ZZEF1: variants seen among roughly 807,000 people sequenced by gnomAD.
The protein encoded by ZZEF1 is zinc finger ZZ-type and EF-hand domain containing 1.
Under a neutral mutation model 342.8 loss-of-function variants are expected in ZZEF1, and 157 were observed. That is an observed-to-expected ratio of 0.46 (90% CI 0.40 to 0.52). The LOEUF is 0.52. Ranked by LOEUF, ZZEF1 falls within the 20% of genes least tolerant of loss-of-function variation. The pLI, the probability that ZZEF1 is intolerant of heterozygous loss-of-function variation, is 0.00. For synonymous variants in ZZEF1, 1,505 were observed against 1,429.1 expected, an observed-to-expected ratio of 1.05 and a Z score of -1.20; for missense variants, 3,480 against 3,725.6, an observed-to-expected ratio of 0.93 and a Z score of 1.72.
At chr17:4,032,482 A>C (rs2056570686) in intron 41 of ZZEF1, among the ~76,000 whole-genome samples, 1 of 152,226 alleles carries the variant, frequency 6.6e-6, no homozygotes, top group African/African-American at 2.4e-5. Flanking sequence ...CCTTTGTCCT[A>C]ATCAGTTGAG....
At position 4,104,880 on chromosome 17, in the gene ZZEF1, T is replaced by C. The variant is rs1396262660; in HGVS notation, c.1395-69A>G. On this transcript the variant is annotated intron_variant, in intron 7 of 54. Transcript: ENST00000381638. ...AAAAATCCAGGTAGCTCAAACCCCA[T>C]GTAAGTGATCAACACAAGTAACATT... The C allele has an allele frequency of 1.2e-5, 16 of 1,374,162 alleles. No individual in the cohort carries two copies. In the Admixed American group the frequency reaches 1.3e-4, roughly 11 times the overall value. 85.1% of individuals were successfully genotyped at this position (1,374,162 alleles called of 1,614,324 possible).
chr17:4,126,117 T>C (rs532224179), intron 1 of ZZEF1, among the ~76,000 whole-genome samples: 28 of 151,324 alleles, frequency 1.9e-4, no homozygotes, highest in Admixed American at 1.1e-3. Flanking sequence ...TCCCAGCTAC[T>C]TGGGAGGCTG....
intron 1 of ZZEF1, among the ~76,000 whole-genome samples, chr17:4,124,265 C>G (rs943587452): frequency 6.6e-6 from 1 of 152,130 alleles, no homozygotes; most frequent in Non-Finnish European, 1.5e-5. Flanking sequence ...TATTTGTATT[C>G]CAATCTATAT....
intron 18 of ZZEF1, among the ~76,000 whole-genome samples, chr17:4,080,594 T>C (rs933410871): frequency 6.6e-6 from 1 of 152,186 alleles, no homozygotes; most frequent in African/African-American, 2.4e-5. Context: ...TTCTCCATGT[T>C]AGTCAGGCTG....
intron 2 of ZZEF1, among the ~76,000 whole-genome samples, chr17:4,119,283 A>G (rs1271035378): frequency 2.0e-5 from 3 of 152,214 alleles, no homozygotes; most frequent in Non-Finnish European, 4.4e-5. Context: ...CCGGCCAAAT[A>G]TGAGAGTTGA....
At chr17:4,139,572 A>G (rs1364845901) in intron 1 of ZZEF1, among the ~76,000 whole-genome samples, 1 of 152,232 alleles carries the variant, frequency 6.6e-6, no homozygotes, top group African/African-American at 2.4e-5. Flanking sequence ...AAAAGTATAT[A>G]CTTATTCAAG....
rs1183677963 is a variant in ZZEF1, at chr17:4,025,114, C to A, written c.6897G>T (p.Lys2299Asn). Residue 2299 changes from lysine to asparagine, a missense_variant, in exon 43 of 55, where the codon AAG (lysine) becomes AAT (asparagine). Transcript: ENST00000381638. ...CTCCCTTCTGGACCAGCTGGTAGTC[C>A]TTCACTGAAGGGTGACATCAGGCAG... ...DVKTRKRKTV[K>N]DYQLVQKGGG... The A allele has an allele frequency of 6.2e-7, 1 of 1,614,018 alleles. No individual in the cohort carries two copies. The highest frequency in any genetic ancestry group is 1.7e-5 in the Admixed American group (1 of 60,020).
intron 11 of ZZEF1, among the ~76,000 whole-genome samples, chr17:4,093,549 C>T (rs747638617): frequency 1.1e-4 from 16 of 152,196 alleles, no homozygotes; most frequent in Non-Finnish European, 1.9e-4. Flanking sequence ...TAGATCCTTA[C>T]GATTTCAAGT....
At chr17:4,068,700 C>T (rs2057451353) in intron 26 of ZZEF1, among the ~76,000 whole-genome samples, 1 of 152,024 alleles carries the variant, frequency 6.6e-6, no homozygotes, top group South Asian at 2.1e-4. Context: ...ATCTATGTTA[C>T]AATGCAGTAA....
intron 42 of ZZEF1, among the ~76,000 whole-genome samples, chr17:4,028,638 T>A (rs2056470319): frequency 6.6e-6 from 1 of 151,510 alleles, no homozygotes; most frequent in Non-Finnish European, 1.5e-5. Context: ...AAGACAGGGA[T>A]TATCAGATTG....
At chr17:4,135,331 C>T (rs1313368660) in intron 1 of ZZEF1, among the ~76,000 whole-genome samples, 1 of 152,128 alleles carries the variant, frequency 6.6e-6, no homozygotes, top group Non-Finnish European at 1.5e-5. Flanking sequence ...AAAAAATTAG[C>T]CTGGCGTAGT....
chr17:4,048,587 GT>G lies in ZZEF1; in HGVS notation c.6015+1120del, dbSNP rs535377843. ...TACCTGGATCCAGAATAGCTTTTCT[GT>G]TTATGCAACTATGTGTAAATTACTG... On this transcript the variant is annotated intron_variant, in intron 37 of 54. Coordinates refer to ENST00000381638, the MANE Select transcript of ZZEF1 (RefSeq NM_015113.4). Among the ~76,000 whole-genome samples, 270 of 152,354 alleles carry G rather than the reference GT, an allele frequency of 1.8e-3. 2 individuals carry two copies. The highest frequency in any genetic ancestry group is 6.4e-3 in the African/African-American group (265 of 41,590).
intron 17 of ZZEF1, among the ~76,000 whole-genome samples, chr17:4,081,928 G>A (rs1020833883): frequency 5.9e-5 from 9 of 152,178 alleles, no homozygotes; most frequent in African/African-American, 2.2e-4. Context: ...ATCCATACCA[G>A]GTATAGTCTG....
rs200164318 is a variant in ZZEF1, at chr17:4,022,699, C to T, written c.7212+10G>A. 1.2e-5 allele frequency: 19 copies of T among 1,613,546 alleles called. No homozygotes were observed. The highest frequency in any genetic ancestry group is 2.2e-5 in the East Asian group (1 of 44,860). On this transcript the variant is annotated intron_variant, in intron 44 of 54. Transcript: ENST00000381638. ...AGGAAAGAGGAGCAGGAGTCCCTCT[C>T]GTCTCTTACTTCCAGGTCCCGGAGG...
intron 38 of ZZEF1, among the ~76,000 whole-genome samples, chr17:4,043,765 T>G (rs2145121887): frequency 6.6e-6 from 1 of 152,308 alleles, no homozygotes; most frequent in South Asian, 2.1e-4. Flanking sequence ...CCTAGCACAT[T>G]CAAGGTCCCC....
chr17:4,062,883 C>A lies in ZZEF1; in HGVS notation c.4753G>T (p.Ala1585Ser), dbSNP rs2145223740. The part of the protein sequence containing the change: ...VKVLSLRKAQ[A>S]QSILEVLKIT... Reference sequence around the variant, plus strand: ...TTCAGGACTTCCAGGATGCTCTGGGCCTGGGCTTTCCTCAGGGAAAGAACC... The same window carrying A: ...TTCAGGACTTCCAGGATGCTCTGGGACTGGGCTTTCCTCAGGGAAAGAACC... The change falls in exon 30 of 55, where the codon GCC (alanine) becomes TCC (serine). Residue 1585 changes from alanine to serine, a missense_variant. Around this residue, in one of 5 missense-constraint regions of ZZEF1, gnomAD observed 1,528 missense variants for 1,624.1 expected, o/e 0.94. Coordinates refer to ENST00000381638, the MANE Select transcript of ZZEF1 (RefSeq NM_015113.4). 1 of 1,612,442 alleles carries A rather than the reference C, an allele frequency of 6.2e-7. No homozygotes were observed. Among genetic ancestry groups the A allele is most frequent in the African/African-American group, 1.3e-5 (1 of 74,988 alleles).
At position 4,112,650 on chromosome 17, in the gene ZZEF1, C is replaced by T. The variant is rs778770784; in HGVS notation, c.1025G>A (p.Gly342Asp). ...RDVHIPSNVT[G>D]YVTLLENANV... ...GGCATTTTCCAGCAGCGTCACATAG[C>T]CAGTGACATTGCTGGGGATGTGCAC... Residue 342 changes from glycine to aspartate, a missense_variant, in exon 5 of 55, where the codon GGC (glycine) becomes GAC (aspartate). Gly to Asp is a moderately conservative substitution (Grantham distance 94, BLOSUM62 -1). Coordinates refer to ENST00000381638, the MANE Select transcript of ZZEF1 (RefSeq NM_015113.4). 10 of 1,614,084 alleles carry T rather than the reference C, an allele frequency of 6.2e-6. 1 individual carries two copies. Among genetic ancestry groups the T allele is most frequent in the Non-Finnish European group, 8.5e-6 (10 of 1,180,052 alleles).
chr17:4,022,979 G>A (rs977321053), intron 43 of ZZEF1, 151 bp from the exon 44 acceptor site: 2 of 1,106,424 alleles, frequency 1.8e-6, no homozygotes, highest in Non-Finnish European at 2.5e-6. Flanking sequence ...ACACTCCCCT[G>A]CTCTAACTTC....
At chr17:4,081,577 A>C (rs1208804894) in intron 17 of ZZEF1, 87 bp from the exon 18 acceptor site, 5 of 1,151,402 alleles carry the variant, frequency 4.3e-6, no homozygotes, top group Non-Finnish European at 5.0e-6. Context: ...AGAGCGCAGA[A>C]AGGTTTCAGT....
Sources: gnomAD v4.1 joint callset for allele counts (sites outside exome capture counted in the v4.1 genomes callset) on GRCh38, gnomAD v4.1.1 for gene constraint, gnomAD v4.1.1 regional missense constraint, MANE v1.5 for transcripts, NCBI Gene and HGNC (gene_info 2026-07-23, HGNC 2026-07-21) for gene names.